The following TMEM135 variants were observed in gnomAD, a reference collection of about 807,000 sequenced individuals.
The protein encoded by TMEM135 is transmembrane protein 135, also known as peroxisomal membrane protein 52.
TMEM135 carries 30 observed loss-of-function variants against 60.3 expected under a neutral mutation model. That is an observed-to-expected ratio of 0.50 (90% confidence interval 0.37 to 0.68). The LOEUF is 0.68. TMEM135 is among the 30% of genes least tolerant of loss of function. The probability of loss-of-function intolerance (pLI) is 0.00; values close to 1 mark genes in which losing one functional copy is unlikely to be tolerated. For synonymous variants in TMEM135, 190 were observed against 186.7 expected, an observed-to-expected ratio of 1.02 and a Z score of -0.14; for missense variants, 468 against 548.8, an observed-to-expected ratio of 0.85 and a Z score of 1.47.
chr11:87,242,624 G>T (rs1428105497), intron 6 of TMEM135, among the ~76,000 whole-genome samples: 1 of 124,002 alleles, frequency 8.1e-6, no homozygotes, highest in Non-Finnish European at 1.8e-5. Context: ...ATTTTTTCAT[G>T]GGTCTTTTGG....
chr11:87,282,428 C>G (rs770603241), intron 6 of TMEM135, among the ~76,000 whole-genome samples: 1 of 152,120 alleles, frequency 6.6e-6, no homozygotes. Context: ...CCATGGCCGG[C>G]TAATTTTTGT....
intron 4 of TMEM135, among the ~76,000 whole-genome samples, chr11:87,116,903 A>G (rs930423479): frequency 1.3e-5 from 2 of 151,750 alleles, no homozygotes; most frequent in African/African-American, 2.4e-5. Context: ...GCTCACTGCA[A>G]CCTCCGCCTT....
chr11:87,124,597 G>T (rs1317109947), intron 4 of TMEM135, among the ~76,000 whole-genome samples: 1 of 152,104 alleles, frequency 6.6e-6, no homozygotes, highest in East Asian at 1.9e-4. Flanking sequence ...GTGTCATAAA[G>T]GGTCGTGTGG....
At chr11:87,073,480 C>A (rs894405934) in intron 3 of TMEM135, among the ~76,000 whole-genome samples, 23 of 152,148 alleles carry the variant, frequency 1.5e-4, no homozygotes, top group Admixed American at 3.9e-4. Flanking sequence ...GTTATAACCT[C>A]AGCAAAATCA....
At chr11:87,281,214 A>G (rs1591165516) in intron 6 of TMEM135, among the ~76,000 whole-genome samples, 1 of 152,328 alleles carries the variant, frequency 6.6e-6, no homozygotes, top group East Asian at 1.9e-4. Flanking sequence ...AAAAAACCCT[A>G]CAATTGCTGT....
At chr11:87,291,260 CTGTT>C (rs1276313771) in intron 6 of TMEM135, among the ~76,000 whole-genome samples, 5 of 89,424 alleles carry the variant, frequency 5.6e-5, no homozygotes, top group Admixed American at 9.7e-5. Context: ...CTCCTTGAAA[CTGTT>C]TGTGCTTAGT....
At chr11:87,186,758 G>T (rs1939664846) in intron 5 of TMEM135, among the ~76,000 whole-genome samples, 1 of 152,054 alleles carries the variant, frequency 6.6e-6, no homozygotes, top group Non-Finnish European at 1.5e-5. Flanking sequence ...GATTTTGTTT[G>T]TGAAACATTT....
intron 4 of TMEM135, among the ~76,000 whole-genome samples, chr11:87,128,294 CAT>C (rs1328917279): frequency 6.6e-6 from 1 of 152,142 alleles, no homozygotes; most frequent in Non-Finnish European, 1.5e-5. Flanking sequence ...TTTGCGTATA[CAT>C]GTTTACGTAT....
intron 5 of TMEM135, among the ~76,000 whole-genome samples, chr11:87,195,314 T>C (rs11235008): frequency 0.042 from 2,755 of 65,684 alleles, 146 homozygotes; most frequent in African/African-American, 0.083. Context: ...TTTCTTTCTC[T>C]TTCCTTCCTT....
chr11:87,184,471 T>G (rs917193266), intron 5 of TMEM135, among the ~76,000 whole-genome samples: 1 of 151,990 alleles, frequency 6.6e-6, no homozygotes, highest in Non-Finnish European at 1.5e-5. Flanking sequence ...GACGATTACT[T>G]TAGGTCTTTA....
intron 6 of TMEM135, among the ~76,000 whole-genome samples, chr11:87,294,915 A>G (rs1053410060): frequency 1.3e-5 from 2 of 152,094 alleles, no homozygotes; most frequent in African/African-American, 2.4e-5. Flanking sequence ...CTTAACTACC[A>G]TGTAATTTGA....
intron 6 of TMEM135, among the ~76,000 whole-genome samples, chr11:87,290,383 A>T (rs1328274962): frequency 1.3e-5 from 2 of 152,170 alleles, no homozygotes; most frequent in African/African-American, 4.8e-5. Context: ...GATTAGTAAC[A>T]TTTTTGCATC....
intron 6 of TMEM135, among the ~76,000 whole-genome samples, chr11:87,237,676 A>G (rs1012565139): frequency 1.3e-5 from 2 of 151,998 alleles, no homozygotes; most frequent in African/African-American, 4.8e-5. Flanking sequence ...TTGTGTTACA[A>G]ACAATCCAAT....
intron 5 of TMEM135, among the ~76,000 whole-genome samples, chr11:87,179,958 TTC>T (rs1353196982): frequency 3.3e-5 from 5 of 152,078 alleles, no homozygotes; most frequent in African/African-American, 9.7e-5. Flanking sequence ...TGTTGTTGTT[TTC>T]TCTGCCCTTT....
At chr11:87,174,473 A>G (rs1309962821) in intron 5 of TMEM135, among the ~76,000 whole-genome samples, 1 of 152,106 alleles carries the variant, frequency 6.6e-6, no homozygotes, top group Non-Finnish European at 1.5e-5. Context: ...TACATAATCT[A>G]TTAGAATATA....
intron 1 of TMEM135, among the ~76,000 whole-genome samples, chr11:87,039,535 C>T (rs1949733118): frequency 6.6e-6 from 1 of 152,116 alleles, no homozygotes; most frequent in Admixed American, 6.5e-5. Context: ...TCTGCTTTTC[C>T]ACATTCACTG....
intron 5 of TMEM135, among the ~76,000 whole-genome samples, chr11:87,187,009 G>C (rs1939670625): frequency 6.6e-6 from 1 of 152,032 alleles, no homozygotes; most frequent in Admixed American, 6.5e-5. Context: ...TAATCAGGTG[G>C]GTCTTATCTA....
chr11:87,221,952 C>T (rs549983114), intron 5 of TMEM135, among the ~76,000 whole-genome samples: 4 of 152,168 alleles, frequency 2.6e-5, no homozygotes, highest in African/African-American at 7.2e-5. Context: ...AATCCCAGAA[C>T]TTTGGGAGGC....
chr11:87,149,030 CTT>C (rs1342479793), intron 4 of TMEM135, among the ~76,000 whole-genome samples: 2 of 145,680 alleles, frequency 1.4e-5, no homozygotes, highest in East Asian at 4.2e-4. Context: ...CCCCCCATAC[CTT>C]TGTGTGTGTG....
Sources: gnomAD v4.1 joint callset for allele counts (sites outside exome capture counted in the v4.1 genomes callset) on GRCh38, gnomAD v4.1.1 for gene constraint, MANE v1.5 for transcripts, NCBI Gene and HGNC (gene_info 2026-07-23, HGNC 2026-07-21) for gene names.